Variants in SIPA1L1 observed in about 807,000 individuals in gnomAD.
SIPA1L1 encodes the protein signal-induced proliferation-associated 1-like protein 1.
A neutral mutation model predicts 162.7 loss-of-function variants in SIPA1L1; 26 were observed. The ratio of observed to expected loss-of-function variants is 0.16; its 90% CI spans 0.12 to 0.22. SIPA1L1 has a LOEUF of 0.22. SIPA1L1 is among the 10% of genes least tolerant of loss of function. The pLI is 1.00. For missense variants in SIPA1L1, 1,874 were observed against 2,241.0 expected (o/e 0.84, Z 3.31); for synonymous variants, 829 against 837.4 (o/e 0.99, Z 0.17).
chr14:71,600,028 A>C (rs1029884325), intron 5 of SIPA1L1, among the ~76,000 whole-genome samples: 5 of 152,138 alleles, frequency 3.3e-5, no homozygotes, highest in African/African-American at 1.2e-4. Context: ...TGTCAGATGA[A>C]GAATTTGGAA....
At chr14:71,706,960 G>A (rs532479116) in intron 16 of SIPA1L1, among the ~76,000 whole-genome samples, 6 of 151,738 alleles carry the variant, frequency 4.0e-5, no homozygotes, top group Admixed American at 3.3e-4. Flanking sequence ...GCTTGAACCC[G>A]GGAGGCAGAG....
chr14:71,468,474 CAA>C (rs1303909822), intron 2 of SIPA1L1, among the ~76,000 whole-genome samples: 2 of 151,888 alleles, frequency 1.3e-5, no homozygotes, highest in Admixed American at 6.6e-5. Context: ...AGAATGAGAG[CAA>C]GAGAGAGATT....
rs35334030 is a variant in SIPA1L1, at chr14:71,327,221, T to C, written c.-465+6040T>C. ...CAACAGCCTCCTGAGTAGCTGGAACTACAGGCGTGTGCCACCATGCCCAGC... is the reference window on the plus strand; with the variant it reads ...CAACAGCCTCCTGAGTAGCTGGAACCACAGGCGTGTGCCACCATGCCCAGC... On this transcript the variant is annotated intron_variant, in intron 2 of 23. Coordinates refer to ENST00000381232, the MANE Select transcript of SIPA1L1 (RefSeq NM_001386936.1). Among the ~76,000 whole-genome samples the C allele has an allele frequency of 7.5e-3, 1,145 of 151,828 alleles. 5 individuals are homozygous for C. Among genetic ancestry groups the C allele is most frequent in the Non-Finnish European group, 0.012 (819 of 67,946 alleles).
chr14:71,550,310 T>C (rs2055691723), intron 4 of SIPA1L1, among the ~76,000 whole-genome samples: 1 of 152,116 alleles, frequency 6.6e-6, no homozygotes, highest in African/African-American at 2.4e-5. Flanking sequence ...ACAATAAACT[T>C]GCTCCATGCA....
intron 2 of SIPA1L1, among the ~76,000 whole-genome samples, chr14:71,326,438 A>G (rs1432420082): frequency 5.9e-5 from 9 of 151,438 alleles, no homozygotes; most frequent in Non-Finnish European, 1.0e-4. Context: ...CAAACTCCTG[A>G]CCTTAGGTGA....
At chr14:71,702,841 T>C (rs756250038) in intron 15 of SIPA1L1, among the ~76,000 whole-genome samples, 1 of 152,220 alleles carries the variant, frequency 6.6e-6, no homozygotes, top group Non-Finnish European at 1.5e-5. Context: ...CTTGGTATAC[T>C]TAATGTCAAT....
intron 4 of SIPA1L1, among the ~76,000 whole-genome samples, chr14:71,582,904 C>G (rs2034132896): frequency 6.6e-6 from 1 of 152,176 alleles, no homozygotes; most frequent in Non-Finnish European, 1.5e-5. Flanking sequence ...AGATGTGTTT[C>G]AGGCTAACTT....
At chr14:71,622,239 A>G (rs3784063) in intron 6 of SIPA1L1, among the ~76,000 whole-genome samples, 68,570 of 152,140 alleles carry the variant, frequency 0.45, 16,215 homozygotes, top group Admixed American at 0.53. Context: ...GCAAAACATA[A>G]AAGAAGATAT....
intron 6 of SIPA1L1, among the ~76,000 whole-genome samples, chr14:71,622,895 C>G (rs2039595185): frequency 1.3e-5 from 2 of 152,198 alleles, no homozygotes; most frequent in South Asian, 4.1e-4. Flanking sequence ...GCTGCCTCAT[C>G]CATTTCTCCC....
intron 2 of SIPA1L1, among the ~76,000 whole-genome samples, chr14:71,369,932 T>C (rs1276258343): frequency 7.8e-6 from 1 of 128,216 alleles, no homozygotes; most frequent in East Asian, 2.1e-4. Context: ...CAATTGTGAA[T>C]GGGAGTTCAC....
chr14:71,336,851 T>C lies in SIPA1L1; in HGVS notation c.-465+15670T>C, dbSNP rs1389222894. Among the ~76,000 whole-genome samples the C allele has an allele frequency of 2.0e-5, 3 of 152,380 alleles. No individual in the cohort carries two copies. In the South Asian group the frequency reaches 6.2e-4, roughly 32 times the overall value. On this transcript the variant is annotated intron_variant, in intron 2 of 23. Coordinates refer to ENST00000381232, the MANE Select transcript of SIPA1L1 (RefSeq NM_001386936.1). Reference sequence around the variant, plus strand: ...TCTTCCCTTTCTTTTACTTTTGCTCTGATCTGTGACCAAGCTTTATCATTT... The same window carrying C: ...TCTTCCCTTTCTTTTACTTTTGCTCCGATCTGTGACCAAGCTTTATCATTT...
At chr14:71,475,141 G>T (rs1008021644) in intron 2 of SIPA1L1, among the ~76,000 whole-genome samples, 1 of 152,200 alleles carries the variant, frequency 6.6e-6, no homozygotes, top group Non-Finnish European at 1.5e-5. Flanking sequence ...TTGGTCATGT[G>T]TAACCAGGTG....
Position 71,512,750 on chromosome 14 carries a change from C to A in SIPA1L1, c.-457C>A. On this transcript the variant is annotated 5_prime_UTR_variant, in exon 3 of 24. Coordinates refer to ENST00000381232, the MANE Select transcript of SIPA1L1 (RefSeq NM_001386936.1). ...AGATCTTTCCCCTTCCAGGCCCTCC[C>A]TATCCTGAAGACATTAGCTGAGAGT... 1 of 153,568 alleles carries A rather than the reference C, an allele frequency of 6.5e-6. No homozygotes were observed. Among genetic ancestry groups the A allele is most frequent in the Non-Finnish European group, 1.4e-5 (1 of 69,148 alleles). 9.5% of individuals were successfully genotyped at this position (153,568 alleles called of 1,614,324 possible).
In SIPA1L1 at chr14:71,445,183, A is replaced by C. The variant is rs1171033519; in HGVS notation, c.-464-67560A>C. 2.0e-5 allele frequency among the ~76,000 whole-genome samples: 3 copies of C among 152,226 alleles called. No individual in the cohort carries two copies. In the East Asian group the frequency reaches 5.8e-4, roughly 29 times the overall value. On this transcript the variant is annotated intron_variant, in intron 2 of 23. Coordinates refer to ENST00000381232, the MANE Select transcript of SIPA1L1 (RefSeq NM_001386936.1). ...GGCGTAAGAAAAAATCCATTTATTA[A>C]GCTGAAAATCTTCTGATGTCATAGA...
chr14:71,528,740 G>C (rs942780593), intron 3 of SIPA1L1: 1 of 152,138 alleles, frequency 6.6e-6, no homozygotes, highest in Non-Finnish European at 1.5e-5. Flanking sequence ...TTGATAAAAA[G>C]GTATTTTGTT....
At chr14:71,338,762 C>G (rs944523077) in intron 2 of SIPA1L1, among the ~76,000 whole-genome samples, 2 of 151,998 alleles carry the variant, frequency 1.3e-5, no homozygotes, top group African/African-American at 4.8e-5. Flanking sequence ...TTTTTTGAGA[C>G]AGAGTCTCAC....
intron 4 of SIPA1L1, among the ~76,000 whole-genome samples, chr14:71,578,874 T>C (rs1163843911): frequency 6.6e-6 from 1 of 152,182 alleles, no homozygotes; most frequent in Non-Finnish European, 1.5e-5. Flanking sequence ...TATTTGGGGT[T>C]AACGTATTTT....
intron 5 of SIPA1L1, among the ~76,000 whole-genome samples, chr14:71,607,490 C>T (rs2037667047): frequency 6.6e-6 from 1 of 152,006 alleles, no homozygotes; most frequent in Non-Finnish European, 1.5e-5. Flanking sequence ...CCAGCCTGAG[C>T]AACATAGTGA....
intron 4 of SIPA1L1, among the ~76,000 whole-genome samples, chr14:71,543,814 T>C (rs2054706881): frequency 6.6e-6 from 1 of 150,396 alleles, no homozygotes; most frequent in African/African-American, 2.4e-5. Context: ...TGTATGTATA[T>C]GTATGTGTAT....
Sources: allele counts gnomAD v4.1 joint callset (sites outside exome capture counted in the v4.1 genomes callset), GRCh38; gene constraint gnomAD v4.1.1; transcripts MANE v1.5; gene names NCBI Gene and HGNC (gene_info 2026-07-23, HGNC 2026-07-21).